Variants in TOX2 observed in about 807,000 individuals in gnomAD.
TOX2 encodes TOX high mobility group box family member 2, also known as granulosa cell HMG box 1.
In TOX2, 15 loss-of-function variants were observed where a neutral mutation model predicts 47.4. The ratio of observed to expected loss-of-function variants is 0.32; its 90% CI spans 0.21 to 0.49. The LOEUF (loss-of-function observed/expected upper bound fraction) is 0.49, where lower values mean the gene tolerates loss of function less well. TOX2 is among the 20% of genes least tolerant of loss of function. The pLI, the probability that TOX2 is intolerant of heterozygous loss-of-function variation, is 0.99. For synonymous variants in TOX2, 290 were observed against 296.6 expected (o/e 0.98, Z 0.23); for missense variants, 622 against 673.1 (o/e 0.92, Z 0.84).
At chr20:43,963,257 C>G (rs2069793038) in intron 1 of TOX2, among the ~76,000 whole-genome samples, 1 of 152,224 alleles carries the variant, frequency 6.6e-6, no homozygotes, top group East Asian at 1.9e-4. Context: ...CATTTTTACA[C>G]TACCCCTCGA....
At chr20:43,978,763 T>TTGTGTG (rs9305120) in intron 2 of TOX2, among the ~76,000 whole-genome samples, 3,679 of 146,544 alleles carry the variant, frequency 0.025, 88 homozygotes, top group African/African-American at 0.06. Flanking sequence ...TTGAAAGAAC[T>TTGTGTG]TGTGTGTGTG....
At chr20:43,941,774 T>C (rs1600666100) in intron 1 of TOX2, among the ~76,000 whole-genome samples, 1 of 152,222 alleles carries the variant, frequency 6.6e-6, no homozygotes, top group African/African-American at 2.4e-5. Flanking sequence ...TGTGGGTTCC[T>C]CCTTGCCCTG....
intron 5 of TOX2, among the ~76,000 whole-genome samples, chr20:44,055,702 G>T (rs950113656): frequency 2.0e-5 from 3 of 152,122 alleles, no homozygotes; most frequent in Non-Finnish European, 2.9e-5. Context: ...TGATCCAGGT[G>T]GGGGAAGGTA....
intron 1 of TOX2, among the ~76,000 whole-genome samples, chr20:43,943,489 C>A (rs1398875235): frequency 2.0e-5 from 3 of 152,174 alleles, no homozygotes; most frequent in Non-Finnish European, 4.4e-5. Flanking sequence ...GCCCAGGTGA[C>A]CACCCTGAGA....
At chr20:44,053,576 T>C (rs565323623) in intron 4 of TOX2, among the ~76,000 whole-genome samples, 3 of 132,468 alleles carry the variant, frequency 2.3e-5, no homozygotes, top group African/African-American at 8.8e-5. Context: ...TACACACACA[T>C]ATATATACTA....
At chr20:44,067,569 A>AC (rs2071850280) in intron 8 of TOX2, among the ~76,000 whole-genome samples, 1 of 151,490 alleles carries the variant, frequency 6.6e-6, no homozygotes, top group Non-Finnish European at 1.5e-5. Context: ...CACCTTAGAG[A>AC]CCCCTTCTCC....
chr20:43,945,217 T>C (rs2069449259), intron 1 of TOX2, among the ~76,000 whole-genome samples: 1 of 152,248 alleles, frequency 6.6e-6, no homozygotes, highest in South Asian at 2.1e-4. Context: ...GTGTAACTGC[T>C]ATTAACAGCC....
intron 2 of TOX2, among the ~76,000 whole-genome samples, chr20:44,004,653 C>T (rs1164314057): frequency 6.6e-6 from 1 of 152,214 alleles, no homozygotes; most frequent in East Asian, 1.9e-4. Context: ...CTTGTGCTTT[C>T]TGCTGTTGCC....
intron 2 of TOX2, among the ~76,000 whole-genome samples, chr20:43,992,132 AC>A (rs2070378888): frequency 6.6e-6 from 1 of 152,158 alleles, no homozygotes; most frequent in African/African-American, 2.4e-5. Context: ...CTGGGAAAGG[AC>A]ATTGCAGTAG....
At chr20:43,955,668 G>GGC (rs2069655291) in intron 1 of TOX2, among the ~76,000 whole-genome samples, 1 of 152,278 alleles carries the variant, frequency 6.6e-6, no homozygotes, top group Admixed American at 6.5e-5. Flanking sequence ...AGACTCTCAA[G>GGC]GCCGTATTCT....
At chr20:43,962,389 C>A (rs1003565671) in intron 1 of TOX2, among the ~76,000 whole-genome samples, 2 of 152,206 alleles carry the variant, frequency 1.3e-5, no homozygotes, top group Non-Finnish European at 2.9e-5. Flanking sequence ...GATCTGCGAT[C>A]CAGCCAACTG....
At chr20:44,018,812 A>G (rs1307013602) in intron 3 of TOX2, among the ~76,000 whole-genome samples, 2 of 152,186 alleles carry the variant, frequency 1.3e-5, no homozygotes, top group Non-Finnish European at 2.9e-5. Context: ...CAGAGATTTA[A>G]GCTCAGCAGC....
intron 5 of TOX2, among the ~76,000 whole-genome samples, chr20:44,064,135 G>C (rs8126151): frequency 0.13 from 19,601 of 152,126 alleles, 1,292 homozygotes; most frequent in East Asian, 0.15. Flanking sequence ...TTTTAAATAA[G>C]AGTTCCAAGA....
At chr20:44,036,061 G>A (rs2071233704) in intron 3 of TOX2, among the ~76,000 whole-genome samples, 1 of 152,214 alleles carries the variant, frequency 6.6e-6, no homozygotes, top group South Asian at 2.1e-4. Context: ...AACCATGGGG[G>A]AAGCAGCTCC....
rs796729540 is a variant in TOX2, at chr20:43,986,667, C to G, written c.165+13235C>G. Among the ~76,000 whole-genome samples, 4 of 152,058 alleles carry G rather than the reference C, an allele frequency of 2.6e-5. No individual in the cohort carries two copies. In the South Asian group the frequency reaches 8.3e-4, roughly 32 times the overall value. On this transcript the variant is annotated intron_variant, in intron 2 of 8. Coordinates refer to ENST00000341197, the MANE Select transcript of TOX2 (RefSeq NM_001098797.2). ...GAGAAGGATCTGGAGGAACCAGTAC[C>G]CTCACTCACTGCTGTGTAAATTGGT...
chr20:43,995,847 C>CT (rs931628247), intron 2 of TOX2, among the ~76,000 whole-genome samples: 10 of 152,146 alleles, frequency 6.6e-5, no homozygotes, highest in Non-Finnish European at 1.0e-4. Flanking sequence ...TGATGTCATT[C>CT]TTTTTTATGA....
intron 1 of TOX2, among the ~76,000 whole-genome samples, chr20:43,952,549 C>G (rs903126703): frequency 3.9e-5 from 6 of 152,170 alleles, no homozygotes; most frequent in African/African-American, 1.4e-4. Context: ...CTAGAGAAAG[C>G]CTGCAGATCT....
chr20:43,942,137 C>T (rs2069411236), intron 1 of TOX2, among the ~76,000 whole-genome samples: 3 of 152,210 alleles, frequency 2.0e-5, no homozygotes, highest in South Asian at 4.1e-4. Context: ...AGAACCTCAG[C>T]ATGGTGGCTG....
chr20:44,050,692 C>G (rs1225617622), intron 3 of TOX2, among the ~76,000 whole-genome samples: 1 of 152,146 alleles, frequency 6.6e-6, no homozygotes, highest in Non-Finnish European at 1.5e-5. Context: ...TCAACTTTAT[C>G]AAGAAATTTA....
Sources: gnomAD v4.1 joint callset for allele counts (sites outside exome capture counted in the v4.1 genomes callset) on GRCh38, gnomAD v4.1.1 for gene constraint, MANE v1.5 for transcripts, NCBI Gene and HGNC (gene_info 2026-07-23, HGNC 2026-07-21) for gene names.